RIPOR2: variants seen among roughly 807,000 people sequenced by gnomAD.
The protein encoded by RIPOR2 is rho family-interacting cell polarization regulator 2.
In RIPOR2, 39 loss-of-function variants were observed where a neutral mutation model predicts 114.5. The observed-to-expected ratio is 0.34, with a 90% confidence interval of 0.26 to 0.44. RIPOR2 has a LOEUF of 0.44. Among genes scored for constraint, RIPOR2 ranks in the 20% least tolerant of loss-of-function variants. RIPOR2 has a pLI of 1.00. For synonymous variants in RIPOR2, 445 were observed against 484.4 expected (o/e 0.92, Z 1.07); for missense variants, 1,007 against 1,255.1 (o/e 0.80, Z 2.99).
intron 1 of RIPOR2, among the ~76,000 whole-genome samples, chr6:24,921,899 G>A (rs1202807367): frequency 2.6e-5 from 4 of 151,370 alleles, no homozygotes; most frequent in Admixed American, 1.3e-4. Context: ...GCGCAATCTC[G>A]GCTCACTGCA....
chr6:24,888,614 T>C (rs2747679), intron 1 of RIPOR2, among the ~76,000 whole-genome samples: 20,579 of 152,206 alleles, frequency 0.14, 2,136 homozygotes, highest in African/African-American at 0.29. Context: ...ACATGTGCAA[T>C]TAATGCTGGT....
rs1379737811 is a variant in RIPOR2, at chr6:24,839,252, G to A, written c.1878C>T (p.Arg626=). 5 of 1,551,892 alleles carry A rather than the reference G, an allele frequency of 3.2e-6. No individual in the cohort carries two copies. The highest frequency in any genetic ancestry group is 1.2e-5 in the South Asian group (1 of 84,048). ...TGAGACTTAAACTGGAAGACCTGCT[G>A]CGGCTTACTGCTGGCTTGCACTGTA... The part of the protein sequence containing the change: ...DILKCKPAVS[R]SRSSSLSLTV... Residue 626 remains arginine (R), a synonymous_variant, in exon 14 of 22, where the codon CGC becomes CGT. Coordinates refer to ENST00000643898, the MANE Select transcript of RIPOR2 (RefSeq NM_001286445.3).
intron 19 of RIPOR2, 43 bp from the exon 20 acceptor site, chr6:24,818,668 T>C: frequency 7.3e-7 from 1 of 1,374,678 alleles, no homozygotes; most frequent in Non-Finnish European, 1.0e-6. Context: ...TTTGGTTTGT[T>C]CGTAGTTTAA....
chr6:24,864,329 C>T (rs976722661), intron 7 of RIPOR2, among the ~76,000 whole-genome samples: 1 of 152,040 alleles, frequency 6.6e-6, no homozygotes, highest in African/African-American at 2.4e-5. Context: ...GACTCTATCT[C>T]TCAAAAAATA....
At chr6:24,878,887 C>CTCTGTTGGGCAGAGGCA (rs1162066095) in intron 1 of RIPOR2, among the ~76,000 whole-genome samples, 3 of 142,768 alleles carry the variant, frequency 2.1e-5, no homozygotes, top group South Asian at 2.2e-4. Flanking sequence ...GAATTAAACG[C>CTCTGTTGGGCAGAGGCA]TGGAGAGTAA....
At chr6:24,843,849 T>G (rs758689486) in intron 12 of RIPOR2, among the ~76,000 whole-genome samples, 3 of 151,640 alleles carry the variant, frequency 2.0e-5, no homozygotes, top group Admixed American at 6.6e-5. Context: ...AAAGAAAAGG[T>G]TGCATGGGGG....
chr6:24,849,442 A>G (rs1385597975), intron 11 of RIPOR2, among the ~76,000 whole-genome samples: 2 of 152,172 alleles, frequency 1.3e-5, no homozygotes, highest in East Asian at 1.9e-4. Flanking sequence ...AGTACCGCCT[A>G]TTGGACAGAT....
At chr6:24,945,849 A>T (rs1314269119) in intron 1 of RIPOR2, among the ~76,000 whole-genome samples, 1 of 152,110 alleles carries the variant, frequency 6.6e-6, no homozygotes, top group Admixed American at 6.5e-5. Context: ...AATTTCTTTT[A>T]TTCTCGTTTA....
chr6:24,863,285 G>A lies in RIPOR2; in HGVS notation c.651+2016C>T, dbSNP rs184752559. ...TATAAAACCACCTGATACCAAATGA[G>A]GTATGAGGCTACAGAAGTCCTGGAC... On this transcript the variant is annotated intron_variant, in intron 7 of 21. Transcript: ENST00000643898. 2.0e-5 allele frequency among the ~76,000 whole-genome samples: 3 copies of A among 152,194 alleles called. No homozygotes were observed. In the East Asian group the frequency reaches 5.8e-4, roughly 29 times the overall value.
chr6:24,908,459 T>C (rs1171676669), intron 1 of RIPOR2, among the ~76,000 whole-genome samples: 1 of 152,236 alleles, frequency 6.6e-6, no homozygotes, highest in Non-Finnish European at 1.5e-5. Context: ...GTCTATATTT[T>C]AGTCTCTTGA....
At chr6:24,947,529 G>C (rs1487202116) in intron 1 of RIPOR2, among the ~76,000 whole-genome samples, 6 of 152,166 alleles carry the variant, frequency 3.9e-5, no homozygotes, top group Non-Finnish European at 8.8e-5. Flanking sequence ...GTGTCCTGTG[G>C]ACCGAATTAT....
Position 24,875,722 on chromosome 6 carries a change from C to T in RIPOR2, c.157G>A (p.Gly53Ser). ...NGIIRSQSFA[G>S]FSGLQERRSR... is the part of the protein sequence containing the mutation. ...CGCCTTTCCTGGAGGCCGCTGAAAC[C>T]CGCAAAGGACTGGCTTCTAATGATC... is the stretch of plus-strand genomic sequence containing the variant. Residue 53 changes from glycine (G) to serine (S), a missense_variant, in exon 2 of 22, where the codon GGT (glycine) becomes AGT (serine). By Grantham distance (56) the Gly-to-Ser change is moderately conservative. Coordinates refer to ENST00000643898, the MANE Select transcript of RIPOR2 (RefSeq NM_001286445.3). 1.2e-6 allele frequency: 2 copies of T among 1,613,654 alleles called. No individual in the cohort carries two copies. The highest frequency in any genetic ancestry group is 1.7e-6 in the Non-Finnish European group (2 of 1,179,798).
intron 1 of RIPOR2, among the ~76,000 whole-genome samples, chr6:24,895,402 G>C (rs1229879106): frequency 6.6e-6 from 1 of 151,174 alleles, no homozygotes; most frequent in Non-Finnish European, 1.5e-5. Flanking sequence ...CAGAGATTCT[G>C]ACTTAGTCTG....
At position 24,949,596 on chromosome 6, in the gene RIPOR2, T is replaced by C. The variant is rs182380696; in HGVS notation, c.77-73779A>G. Among the ~76,000 whole-genome samples the C allele has an allele frequency of 2.3e-4, 35 of 152,286 alleles. 1 individual carries two copies. Among genetic ancestry groups the C allele is most frequent in the African/African-American group, 7.0e-4 (29 of 41,552 alleles). The stretch of plus-strand genomic sequence containing the variant: ...GAAAATGGGCAGGAGTAAATAAAGG[T>C]ATGCCAGCTTGCTTTTTCCAGTGGG... On this transcript the variant is annotated intron_variant, in intron 1 of 13. Coordinates refer to the RIPOR2 transcript ENST00000510784.
chr6:25,035,509 G>T (rs1168855594), intron 1 of RIPOR2, among the ~76,000 whole-genome samples: 3 of 152,180 alleles, frequency 2.0e-5, no homozygotes, highest in Admixed American at 6.5e-5. Context: ...CAAATCAGCA[G>T]GTTGGAAACG....
intron 1 of RIPOR2, among the ~76,000 whole-genome samples, chr6:24,922,081 T>TCGG (rs1442538245): frequency 6.6e-6 from 1 of 152,106 alleles, no homozygotes; most frequent in East Asian, 1.9e-4. Flanking sequence ...TCCGTCCTCC[T>TCGG]CGGCCTCCCA....
intron 1 of RIPOR2, among the ~76,000 whole-genome samples, chr6:24,955,345 A>T (rs1772980390): frequency 6.6e-6 from 1 of 152,164 alleles, no homozygotes; most frequent in Non-Finnish European, 1.5e-5. Context: ...ACCTCTCATC[A>T]GCCTTGGATT....
chr6:24,977,065 A>G lies in RIPOR2; in HGVS notation c.76+64786T>C, dbSNP rs1307076206. ...CCCCTCCACCCCATTTGCTTGCAGT[A>G]TCCCAGTATCTTTGTGCTCTTGCTG... On this transcript the variant is annotated intron_variant, in intron 1 of 13. Coordinates refer to the RIPOR2 transcript ENST00000510784. 5 of 1,321,552 alleles carry G rather than the reference A, an allele frequency of 3.8e-6. No individual in the cohort carries two copies. The African/African-American group carries it at 5.8e-5, about 15-fold the overall frequency. 81.9% of individuals were successfully genotyped at this position (1,321,552 alleles called of 1,614,324 possible). A position where few individuals can be genotyped will look rare whatever the true frequency, so the allele number is the denominator to read the frequency against.
intron 1 of RIPOR2, among the ~76,000 whole-genome samples, chr6:24,987,314 C>G (rs12200203): frequency 6.6e-6 from 1 of 152,184 alleles, no homozygotes; most frequent in Non-Finnish European, 1.5e-5. Flanking sequence ...TCTCAGTTTC[C>G]TCAGCAGTCA....
Sources: allele counts gnomAD v4.1 joint callset (sites outside exome capture counted in the v4.1 genomes callset), GRCh38; gene constraint gnomAD v4.1.1; transcripts MANE v1.5; gene names NCBI Gene and HGNC (gene_info 2026-07-23, HGNC 2026-07-21).